The following CLMN variants were observed in gnomAD, a reference collection of about 807,000 sequenced individuals.
CLMN encodes the protein calmin, also known as calmin (calponin-like, transmembrane).
CLMN carries 57 observed loss-of-function variants against 92.7 expected under a neutral mutation model. The observed-to-expected ratio is 0.61, with a 90% CI of 0.50 to 0.77. The LOEUF (loss-of-function observed/expected upper bound fraction) is 0.77. Ranked by LOEUF, CLMN falls within the 30% of genes least tolerant of loss-of-function variation. CLMN has a pLI of 0.00. For synonymous variants in CLMN, 466 were observed against 470.6 expected (o/e 0.99, Z 0.13); for missense variants, 1,158 against 1,237.5 (o/e 0.94, Z 0.96).
At chr14:95,250,106 T>C (rs1898724895) in intron 1 of CLMN, among the ~76,000 whole-genome samples, 2 of 152,208 alleles carry the variant, frequency 1.3e-5, no homozygotes, top group East Asian at 3.9e-4. Flanking sequence ...GACTGAGCAG[T>C]GAACAGAGGT....
chr14:95,209,965 T>C (rs528387146), intron 7 of CLMN, among the ~76,000 whole-genome samples: 29 of 152,254 alleles, frequency 1.9e-4, no homozygotes, highest in Non-Finnish European at 4.1e-4. Context: ...TGAGCTTTAT[T>C]TACTAAGATG....
intron 1 of CLMN, among the ~76,000 whole-genome samples, chr14:95,244,017 A>C (rs970366528): frequency 5.3e-5 from 8 of 151,928 alleles, no homozygotes; most frequent in African/African-American, 1.9e-4. Context: ...GGCGTGTAGC[A>C]CCTTCCCCCT....
chr14:95,292,443 C>CCCACCCCCACCCCCACCTCCACCT (rs1430741248), intron 1 of CLMN, among the ~76,000 whole-genome samples: 1 of 124,602 alleles, frequency 8.0e-6, no homozygotes, highest in Non-Finnish European at 1.8e-5. Context: ...CACCCCCACC[C>CCCACCCCCACCCCCACCTCCACCT]CCACCCCCAC....
intron 1 of CLMN, among the ~76,000 whole-genome samples, chr14:95,245,674 G>A (rs1397720192): frequency 7.0e-6 from 1 of 141,898 alleles, no homozygotes; most frequent in East Asian, 2.1e-4. Context: ...ATGGATAGAT[G>A]GATGGGTGGG....
intron 10 of CLMN, among the ~76,000 whole-genome samples, chr14:95,195,592 G>A (rs1338695732): frequency 6.6e-6 from 1 of 152,214 alleles, no homozygotes; most frequent in Non-Finnish European, 1.5e-5. Flanking sequence ...GGCAACAAGG[G>A]GGCACAAAAA....
At chr14:95,202,026 G>A (rs1343544098) in intron 9 of CLMN, among the ~76,000 whole-genome samples, 3 of 152,162 alleles carry the variant, frequency 2.0e-5, no homozygotes, top group Admixed American at 6.5e-5. Context: ...TGTAAATAGT[G>A]TTGCAATAAA....
intron 12 of CLMN, 39 bp downstream of exon 12, chr14:95,193,805 CATTTT>C (rs748933913): frequency 2.9e-5 from 46 of 1,608,890 alleles, no homozygotes; most frequent in Non-Finnish European, 3.9e-5. Context: ...AATGTAAAAA[CATTTT>C]ATTACTACCC....
intron 1 of CLMN, among the ~76,000 whole-genome samples, chr14:95,313,177 G>A (rs879664579): frequency 6.6e-6 from 1 of 152,200 alleles, no homozygotes; most frequent in Non-Finnish European, 1.5e-5. Flanking sequence ...TTGCACTCCA[G>A]CCTTGGTGAC....
chr14:95,242,572 T>G (rs1898292519), intron 1 of CLMN, among the ~76,000 whole-genome samples: 1 of 145,210 alleles, frequency 6.9e-6, no homozygotes, highest in South Asian at 2.1e-4. Context: ...GCATCTCTTT[T>G]TCTTTTTTTT....
chr14:95,292,436 C>CCCCACG (rs1595102698), intron 1 of CLMN, among the ~76,000 whole-genome samples: 1 of 123,648 alleles, frequency 8.1e-6, no homozygotes, highest in Non-Finnish European at 1.8e-5. Flanking sequence ...GGTCCCCCAC[C>CCCCACG]CCCACCCCCA....
rs190800643 is a variant in CLMN, at chr14:95,310,822, C to T, written c.82+8889G>A. On this transcript the variant is annotated intron_variant, in intron 1 of 12. Coordinates refer to ENST00000298912, the MANE Select transcript of CLMN (RefSeq NM_024734.4). ...ACAAAGGCACAGCAAGGGTAAAGGGCGTGGCCTGTGGGCAAACCCGGAAGA... is the reference window on the plus strand; with the variant it reads ...ACAAAGGCACAGCAAGGGTAAAGGGTGTGGCCTGTGGGCAAACCCGGAAGA... 6.6e-5 allele frequency among the ~76,000 whole-genome samples: 10 copies of T among 152,316 alleles called. No homozygotes were observed. In the East Asian group the frequency reaches 7.7e-4, roughly 12 times the overall value.
At chr14:95,241,681 G>C (rs188007430) in intron 1 of CLMN, among the ~76,000 whole-genome samples, 1 of 152,206 alleles carries the variant, frequency 6.6e-6, no homozygotes, top group Non-Finnish European at 1.5e-5. Flanking sequence ...CAGAGGCTGC[G>C]TAAGCTGGAG....
intron 7 of CLMN, 61 bp downstream of exon 7, chr14:95,210,625 G>C (rs1193438410): frequency 1.3e-6 from 2 of 1,528,504 alleles, no homozygotes; most frequent in Non-Finnish European, 1.8e-6. Context: ...TTCCACATGG[G>C]ACAGCAAGTG....
At chr14:95,226,381 T>C (rs887676604) in intron 2 of CLMN, among the ~76,000 whole-genome samples, 3 of 152,218 alleles carry the variant, frequency 2.0e-5, no homozygotes, top group Admixed American at 2.0e-4. Context: ...AGTTTTTTTT[T>C]TCTGAATATT....
intron 3 of CLMN, 114 bp downstream of exon 3, chr14:95,223,646 C>T (rs1281994074): frequency 2.0e-5 from 15 of 752,348 alleles, no homozygotes; most frequent in Admixed American, 6.3e-5. Context: ...AAAAAGTCAC[C>T]GCTTCAGAGT....
At chr14:95,296,955 G>A (rs1172680940) in intron 1 of CLMN, among the ~76,000 whole-genome samples, 1 of 152,156 alleles carries the variant, frequency 6.6e-6, no homozygotes, top group African/African-American at 2.4e-5. Flanking sequence ...CATCAGACGG[G>A]ATAAGAGAAC....
rs757003520 is a variant in CLMN at position 95,204,246 on chromosome 14, G to A, written c.1103C>T (p.Ser368Phe). 2 of 1,613,998 alleles carry A rather than the reference G, an allele frequency of 1.2e-6. No individual in the cohort carries two copies. The highest frequency in any genetic ancestry group is 1.7e-6 in the Non-Finnish European group (2 of 1,180,026). The change falls in exon 9 of 13, where the codon TCC (serine) becomes TTC (phenylalanine). Residue 368 changes from serine to phenylalanine, a missense_variant. Physicochemically the swap from Ser to Phe is radical, Grantham distance 155. Transcript: ENST00000298912. ...GGAGCTGTCTGACAGCGCATGGCTG[G>A]AAACACCATCCAGGCGGAATTCCTT... ...SMKEFRLDGVSSHALSDSSTE... is the reference protein window; with the variant it reads ...SMKEFRLDGVFSHALSDSSTE...
chr14:95,236,543 G>A (rs1898063977), intron 1 of CLMN, among the ~76,000 whole-genome samples: 1 of 152,210 alleles, frequency 6.6e-6, no homozygotes, highest in African/African-American at 2.4e-5. Context: ...GAGGCCAGGG[G>A]CACTGCTCCA....
At chr14:95,299,122 G>A (rs1377957444) in intron 1 of CLMN, among the ~76,000 whole-genome samples, 1 of 152,176 alleles carries the variant, frequency 6.6e-6, no homozygotes, top group African/African-American at 2.4e-5. Flanking sequence ...ATCCTGCCCT[G>A]TTAGCACATG....
Sources: gnomAD v4.1 joint callset for allele counts (sites outside exome capture counted in the v4.1 genomes callset) on GRCh38, gnomAD v4.1.1 for gene constraint, MANE v1.5 for transcripts, NCBI Gene and HGNC (gene_info 2026-07-23, HGNC 2026-07-21) for gene names.